TMEM132D: variants seen among roughly 807,000 people sequenced by gnomAD.
TMEM132D encodes the protein transmembrane protein 132D, also known as mature OL transmembrane protein.
A neutral mutation model predicts 62.3 loss-of-function variants in TMEM132D; 21 were observed. That is an observed-to-expected ratio of 0.34 (90% confidence interval 0.24 to 0.49). The LOEUF is 0.49. TMEM132D is among the 20% of genes least tolerant of loss of function. TMEM132D has a pLI of 0.99. For missense variants in TMEM132D, 1,346 were observed against 1,402.8 expected, an observed-to-expected ratio of 0.96 and a Z score of 0.65; for synonymous variants, 621 against 575.6, an observed-to-expected ratio of 1.08 and a Z score of -1.13.
chr12:129,228,714 A>G (rs1019444209), intron 4 of TMEM132D, among the ~76,000 whole-genome samples: 10 of 152,196 alleles, frequency 6.6e-5, no homozygotes, highest in African/African-American at 2.2e-4. Flanking sequence ...TCACAGCTGA[A>G]TAATACTCCT....
intron 1 of TMEM132D, among the ~76,000 whole-genome samples, chr12:129,896,000 T>A: frequency 6.8e-6 from 1 of 147,822 alleles, no homozygotes; most frequent in Non-Finnish European, 1.5e-5. Flanking sequence ...AGACAGGGTC[T>A]CACTCTGTCA....
At chr12:129,184,758 T>C (rs1411956307) in intron 5 of TMEM132D, among the ~76,000 whole-genome samples, 1 of 152,198 alleles carries the variant, frequency 6.6e-6, no homozygotes, top group Non-Finnish European at 1.5e-5. Context: ...TGCTGAGCTC[T>C]GATCACATGG....
At chr12:129,553,257 T>C (rs915210499) in intron 2 of TMEM132D, among the ~76,000 whole-genome samples, 2 of 152,104 alleles carry the variant, frequency 1.3e-5, no homozygotes, top group Non-Finnish European at 2.9e-5. Flanking sequence ...TGGCCCGTGG[T>C]CCCTGGCTGC....
chr12:129,547,565 A>G (rs1876772119), intron 2 of TMEM132D, among the ~76,000 whole-genome samples: 1 of 152,192 alleles, frequency 6.6e-6, no homozygotes, highest in South Asian at 2.1e-4. Flanking sequence ...CGGTCATTTC[A>G]GCGGGTTCTC....
In TMEM132D at chr12:129,700,587, T is replaced by G. The variant is rs762124471; in HGVS notation, c.191A>C (p.Glu64Ala). 1 of 1,614,002 alleles carries G rather than the reference T, an allele frequency of 6.2e-7. No individual in the cohort carries two copies. Among genetic ancestry groups the G allele is most frequent in the Non-Finnish European group, 8.5e-7 (1 of 1,180,020 alleles). Residue 64 changes from glutamate to alanine, a missense_variant, in exon 2 of 9, where the codon GAG (glutamate) becomes GCG (alanine). Glu to Ala is a moderately radical substitution (Grantham distance 107). Transcript: ENST00000422113. ...GTTCCTCATGATATCCTGGTTGGCC[T>G]CCTTCAGGAAGAAGGAGACGTCCGC... ...NNADVSFFLK[E>A]ANQDIMRNSS... is the part of the protein sequence containing the mutation.
chr12:129,572,043 C>T (rs1288414983), intron 2 of TMEM132D, among the ~76,000 whole-genome samples: 22 of 152,132 alleles, frequency 1.4e-4, no homozygotes, highest in Admixed American at 1.4e-3. Flanking sequence ...TCCGCAGGTA[C>T]TCACCCTGCA....
At chr12:129,834,818 C>T (rs768126846) in intron 1 of TMEM132D, among the ~76,000 whole-genome samples, 1 of 152,204 alleles carries the variant, frequency 6.6e-6, no homozygotes, top group Non-Finnish European at 1.5e-5. Flanking sequence ...ACAGGCTGCA[C>T]ATTGGGCCGT....
intron 1 of TMEM132D, among the ~76,000 whole-genome samples, chr12:129,869,793 G>A (rs1299854535): frequency 1.3e-5 from 2 of 152,148 alleles, no homozygotes; most frequent in African/African-American, 4.8e-5. Context: ...AATGATAACC[G>A]TTCTGCCAAT....
intron 3 of TMEM132D, among the ~76,000 whole-genome samples, chr12:129,429,132 A>C (rs11060337): frequency 3.3e-5 from 3 of 89,610 alleles, no homozygotes; most frequent in Middle Eastern, 5.1e-3. Flanking sequence ...GTAGTCCAAA[A>C]TCCTTCAAGT....
At chr12:129,573,421 C>T (rs1877574033) in intron 2 of TMEM132D, among the ~76,000 whole-genome samples, 1 of 152,162 alleles carries the variant, frequency 6.6e-6, no homozygotes, top group African/African-American at 2.4e-5. Flanking sequence ...GCAGCTTCAG[C>T]TTGTGGAGCA....
intron 2 of TMEM132D, among the ~76,000 whole-genome samples, chr12:129,625,576 T>C (rs1259341637): frequency 6.6e-6 from 1 of 152,250 alleles, no homozygotes; most frequent in Non-Finnish European, 1.5e-5. Context: ...AGGCTGACGA[T>C]ATGCTCACAG....
At chr12:129,872,466 A>G (rs1874279941) in intron 1 of TMEM132D, among the ~76,000 whole-genome samples, 1 of 152,188 alleles carries the variant, frequency 6.6e-6, no homozygotes, top group South Asian at 2.1e-4. Context: ...TCTCCTCAGC[A>G]TTCACTGTTC....
chr12:129,808,362 G>A (rs1464032441), intron 1 of TMEM132D, among the ~76,000 whole-genome samples: 1 of 152,160 alleles, frequency 6.6e-6, no homozygotes, highest in African/African-American at 2.4e-5. Context: ...TCTCGGGTTG[G>A]TTCAGAAAAC....
At chr12:129,329,555 A>G (rs1869038841) in intron 4 of TMEM132D, among the ~76,000 whole-genome samples, 1 of 152,190 alleles carries the variant, frequency 6.6e-6, no homozygotes, top group Non-Finnish European at 1.5e-5. Flanking sequence ...CCCTAATTTG[A>G]CAGCCTTTTC....
chr12:129,299,022 C>T (rs375727623), intron 4 of TMEM132D, among the ~76,000 whole-genome samples: 9 of 152,242 alleles, frequency 5.9e-5, no homozygotes, highest in South Asian at 2.1e-4. Flanking sequence ...TTCATAAAAC[C>T]GACTTCACTG....
chr12:129,824,926 C>T (rs1209420671), intron 1 of TMEM132D, among the ~76,000 whole-genome samples: 11 of 152,116 alleles, frequency 7.2e-5, no homozygotes, highest in Admixed American at 6.5e-4. Context: ...TAAGGGATGG[C>T]CCCTGGATAA....
intron 4 of TMEM132D, among the ~76,000 whole-genome samples, chr12:129,284,942 G>A (rs1309838502): frequency 6.6e-6 from 1 of 152,196 alleles, no homozygotes; most frequent in Non-Finnish European, 1.5e-5. Flanking sequence ...CTGCTAAGGG[G>A]TGCATGGCTG....
chr12:129,558,242 G>T (rs1426030553), intron 2 of TMEM132D, among the ~76,000 whole-genome samples: 2 of 152,164 alleles, frequency 1.3e-5, no homozygotes, highest in African/African-American at 4.8e-5. Context: ...CAGCATGAAA[G>T]ATCACATTCT....
chr12:129,382,307 C>T (rs1054507852), intron 3 of TMEM132D, among the ~76,000 whole-genome samples: 3 of 152,136 alleles, frequency 2.0e-5, no homozygotes, highest in South Asian at 2.1e-4. Flanking sequence ...AAATTCCTTC[C>T]CGTCCATTAA....
Sources: gnomAD v4.1 joint callset for allele counts (sites outside exome capture counted in the v4.1 genomes callset) on GRCh38, gnomAD v4.1.1 for gene constraint, MANE v1.5 for transcripts, NCBI Gene and HGNC (gene_info 2026-07-23, HGNC 2026-07-21) for gene names.